EYS: variants seen among roughly 807,000 people sequenced by gnomAD.
EYS encodes protein eyes shut homolog.
Under a neutral mutation model 282.1 loss-of-function variants are expected in EYS, and 250 were observed. The ratio of observed to expected loss-of-function variants is 0.89; its 90% confidence interval spans 0.80 to 0.98. The LOEUF (loss-of-function observed/expected upper bound fraction) is 0.98. Ranked by LOEUF, EYS falls within the 50% of genes least tolerant of loss-of-function variation. EYS has a pLI of 0.00. For synonymous variants in EYS, 1,355 were observed against 1,282.9 expected, an observed-to-expected ratio of 1.06 and a Z score of -1.20; for missense variants, 4,016 against 3,709.0, an observed-to-expected ratio of 1.08 and a Z score of -2.15.
chr6:64,019,268 G>A (rs1345909970), intron 33 of EYS, among the ~76,000 whole-genome samples: 1 of 152,168 alleles, frequency 6.6e-6, no homozygotes, highest in Non-Finnish European at 1.5e-5. Flanking sequence ...AGAGAGTGCA[G>A]CCTGCCTACA....
intron 36 of EYS, among the ~76,000 whole-genome samples, chr6:63,843,842 G>C (rs1270455704): frequency 6.6e-6 from 1 of 152,176 alleles, no homozygotes; most frequent in Non-Finnish European, 1.5e-5. Flanking sequence ...TGTATACTTA[G>C]AAAACCTCTT....
At chr6:64,753,503 T>TA (rs75467726) in intron 22 of EYS, among the ~76,000 whole-genome samples, 18,140 of 132,146 alleles carry the variant, frequency 0.14, 1,152 homozygotes, top group East Asian at 0.24. Flanking sequence ...CAAAAAACAG[T>TA]AAAAAAAAAA....
At chr6:65,405,527 C>A (rs923815842) in intron 5 of EYS, among the ~76,000 whole-genome samples, 160 bp from the exon 6 acceptor site, 1 of 151,890 alleles carries the variant, frequency 6.6e-6, no homozygotes, top group Non-Finnish European at 1.5e-5. Flanking sequence ...TTATAAAATT[C>A]ATTCATTGCA....
intron 2 of EYS, among the ~76,000 whole-genome samples, chr6:65,612,998 A>C (rs535195667): frequency 1.3e-5 from 2 of 151,856 alleles, no homozygotes; most frequent in African/African-American, 4.8e-5. Flanking sequence ...TAAAGAAAAT[A>C]ACAATCTTAA....
At chr6:64,594,775 G>T (rs1296308589) in intron 24 of EYS, among the ~76,000 whole-genome samples, 1 of 151,328 alleles carries the variant, frequency 6.6e-6, no homozygotes, top group African/African-American at 2.4e-5. Context: ...CACCAACATG[G>T]CACATGTATA....
intron 13 of EYS, among the ~76,000 whole-genome samples, chr6:65,047,566 A>G (rs1195414571): frequency 2.0e-5 from 3 of 152,058 alleles, no homozygotes; most frequent in Admixed American, 2.0e-4. Flanking sequence ...CCAGATTTGT[A>G]GATTACCATC....
chr6:64,297,627 T>C (rs1769079334), intron 30 of EYS, among the ~76,000 whole-genome samples: 1 of 152,128 alleles, frequency 6.6e-6, no homozygotes, highest in East Asian at 1.9e-4. Context: ...TTCAAAACAC[T>C]GAAAGAAAAC....
intron 14 of EYS, among the ~76,000 whole-genome samples, chr6:64,953,456 TTAAA>T (rs1032726963): frequency 2.2e-4 from 34 of 151,982 alleles, no homozygotes; most frequent in Admixed American, 7.2e-4. Context: ...TCTCTTTTAT[TTAAA>T]TGTTATTTTA....
intron 37 of EYS, among the ~76,000 whole-genome samples, chr6:63,800,892 G>T (rs1039700217): frequency 1.3e-5 from 2 of 152,226 alleles, no homozygotes; most frequent in Non-Finnish European, 2.9e-5. Flanking sequence ...TGTTTTGGAG[G>T]CATGCCTATG....
At chr6:64,769,279 C>G (rs1446860203) in intron 22 of EYS, among the ~76,000 whole-genome samples, 1 of 151,876 alleles carries the variant, frequency 6.6e-6, no homozygotes, top group Non-Finnish European at 1.5e-5. Context: ...TATTTTTGCT[C>G]TAAAGAATGC....
chr6:65,555,325 C>T (rs1037533410), intron 2 of EYS, among the ~76,000 whole-genome samples: 2 of 152,006 alleles, frequency 1.3e-5, no homozygotes, highest in Non-Finnish European at 2.9e-5. Context: ...AAATAACATT[C>T]CTGAAGGTGT....
chr6:65,574,454 C>T (rs1764588514), intron 2 of EYS, among the ~76,000 whole-genome samples: 1 of 151,766 alleles, frequency 6.6e-6, no homozygotes, highest in South Asian at 2.1e-4. Context: ...CAAGTGGATA[C>T]CAAAAGAGAA....
rs188484486 is a variant in EYS at position 64,095,280 on chromosome 6, C to T, written c.6425-13278G>A. Among the ~76,000 whole-genome samples, 23 of 152,198 alleles carry T rather than the reference C, an allele frequency of 1.5e-4. No homozygotes were observed. The East Asian group carries it at 3.3e-3, about 22-fold the overall frequency. ...AGATGTCTCTTAGGTCCATTTGGTG[C>T]GGAGTTGAGTTCAATTCCTGGATAT... is the stretch of plus-strand genomic sequence containing the variant. On this transcript the variant is annotated intron_variant, in intron 31 of 42. Transcript: ENST00000503581.
intron 15 of EYS, among the ~76,000 whole-genome samples, chr6:64,917,024 G>A (rs1407203875): frequency 6.6e-6 from 1 of 152,216 alleles, no homozygotes; most frequent in Non-Finnish European, 1.5e-5. Context: ...TCCGAGGCGG[G>A]TGGATCACGA....
chr6:65,598,018 T>A (rs551526849), intron 2 of EYS, among the ~76,000 whole-genome samples: 1 of 152,204 alleles, frequency 6.6e-6, no homozygotes, highest in East Asian at 1.9e-4. Context: ...GAGGATCATT[T>A]GAGCCTGGGA....
intron 8 of EYS, among the ~76,000 whole-genome samples, chr6:65,378,599 G>T (rs1313722329): frequency 1.3e-5 from 2 of 152,048 alleles, no homozygotes; most frequent in Admixed American, 1.3e-4. Flanking sequence ...GTTTATTGTG[G>T]CACTGTTCAC....
rs113214532 is a variant in EYS, at chr6:64,440,671, A to C, written c.5645-1319T>G. On this transcript the variant is annotated intron_variant, in intron 26 of 42. Coordinates refer to ENST00000503581, the MANE Select transcript of EYS (RefSeq NM_001142800.2). ...ATACAATAACATTTTAAACAACAAG[A>C]AATTGTTTTAAAGATTTCAGGCATT... 5.7e-3 allele frequency among the ~76,000 whole-genome samples: 870 copies of C among 152,254 alleles called. 6 individuals are homozygous for C. Among genetic ancestry groups the C allele is most frequent in the African/African-American group, 0.02 (827 of 41,572 alleles).
intron 12 of EYS, among the ~76,000 whole-genome samples, chr6:65,269,033 A>C (rs2150264334): frequency 6.6e-6 from 1 of 152,216 alleles, no homozygotes; most frequent in South Asian, 2.1e-4. Flanking sequence ...CTCCAATCTA[A>C]GCCTAATAAT....
At chr6:63,753,261 A>G (rs1243914204) in intron 41 of EYS, among the ~76,000 whole-genome samples, 1 of 150,826 alleles carries the variant, frequency 6.6e-6, no homozygotes, top group East Asian at 1.9e-4. Flanking sequence ...ATTGTATAGG[A>G]AGATTTATGG....
Sources: allele counts gnomAD v4.1 joint callset (sites outside exome capture counted in the v4.1 genomes callset), GRCh38; gene constraint gnomAD v4.1.1; transcripts MANE v1.5; gene names NCBI Gene and HGNC (gene_info 2026-07-23, HGNC 2026-07-21).